The following CXorf66 variants were observed in gnomAD, a reference collection of about 807,000 sequenced individuals.
CXorf66 encodes the protein uncharacterized protein CXorf66.
In CXorf66, 6 loss-of-function variants were observed where a neutral mutation model predicts 5.0. The observed-to-expected ratio is 1.20, with a 90% CI of 0.65 to 2.36. The LOEUF (loss-of-function observed/expected upper bound fraction) is 2.36. Among genes scored for constraint, CXorf66 ranks in the 30% most tolerant of loss-of-function variants. The pLI is 0.00. For synonymous variants in CXorf66, 98 were observed against 102.8 expected (o/e 0.95, Z 0.28); for missense variants, 270 against 254.9 (o/e 1.06, Z -0.40).
chrX:139,956,370 A>T lies in CXorf66; in HGVS notation c.612T>A (p.Asp204Glu), dbSNP rs2085573317. 8.3e-7 allele frequency: 1 copy of T among 1,212,071 alleles called. No individual in the cohort carries two copies. Residue 204 changes from aspartate (D) to glutamate (E), a missense_variant, in exon 3 of 3, where the codon GAT becomes GAA. Coordinates refer to ENST00000370540, the MANE Select transcript of CXorf66 (RefSeq NM_001013403.3). ...ATAGCTGAGGTGGCCTGACTGGCTT[A>T]TCTGAACTGGCTAGCTTACACGCAT... is the stretch of plus-strand genomic sequence containing the variant. ...LDYACKLASSDKPVRPPQLFK... is the reference protein window; with the variant it reads ...LDYACKLASSEKPVRPPQLFK...
At chrX:139,957,048 C>T (rs1379531147) in intron 2 of CXorf66, among the ~76,000 whole-genome samples, 5 of 110,668 alleles carry the variant, frequency 4.5e-5, no homozygotes, top group Non-Finnish European at 9.5e-5. Context: ...CACCTGTAGT[C>T]CCCAGCTACT....
intron 1 of CXorf66, among the ~76,000 whole-genome samples, chrX:139,959,014 G>C (rs2085583981): frequency 8.9e-6 from 1 of 111,998 alleles, no homozygotes; most frequent in Non-Finnish European, 1.9e-5. Context: ...CACAGAGCTA[G>C]CTGTAGCAGT....
rs1343289434 is a variant in CXorf66 at position 139,964,732 on chromosome X, A to G, written c.88+677T>C. On this transcript the variant is annotated intron_variant, in intron 1 of 2. Coordinates refer to ENST00000370540, the MANE Select transcript of CXorf66 (RefSeq NM_001013403.3). ...ATACACCATGGAATACTATGCAGCCATAAAAAAGAATGAGTTCATGTCCTG... is the reference window on the plus strand; with the variant it reads ...ATACACCATGGAATACTATGCAGCCGTAAAAAAGAATGAGTTCATGTCCTG... 2.7e-5 allele frequency among the ~76,000 whole-genome samples: 3 copies of G among 111,931 alleles called. No individual in the cohort carries two copies. The East Asian group carries it at 8.4e-4, about 31-fold the overall frequency.
chrX:139,963,633 G>A (rs1435960229), intron 1 of CXorf66, among the ~76,000 whole-genome samples: 1 of 103,640 alleles, frequency 9.6e-6, no homozygotes, highest in Non-Finnish European at 1.9e-5. Flanking sequence ...GAACAAAGCT[G>A]GAGGCATCAC....
rs746000854 is a variant in CXorf66 at position 139,960,397 on chromosome X, T to C, written c.89-2180A>G. On this transcript the variant is annotated intron_variant, in intron 1 of 2. Coordinates refer to ENST00000370540, the MANE Select transcript of CXorf66 (RefSeq NM_001013403.3). The stretch of plus-strand genomic sequence containing the variant: ...AGAGAAAAAAGAATGAAAAACAAAA[T>C]GAACAAAGCCTCCAAGAAATATGGG... 1.9e-3 allele frequency among the ~76,000 whole-genome samples: 207 copies of C among 109,403 alleles called. 1 individual carries two copies. Among genetic ancestry groups the C allele is most frequent in the Non-Finnish European group, 2.6e-3 (136 of 52,689 alleles).
chrX:139,959,743 G>C (rs2085586720), intron 1 of CXorf66, among the ~76,000 whole-genome samples: 1 of 112,130 alleles, frequency 8.9e-6, no homozygotes, highest in Admixed American at 9.4e-5. Flanking sequence ...AGCAATCTTT[G>C]TTGTTCTGCA....
intron 1 of CXorf66, among the ~76,000 whole-genome samples, chrX:139,964,269 T>C (rs1395495245): frequency 9.0e-6 from 1 of 111,609 alleles, no homozygotes; most frequent in Non-Finnish European, 1.9e-5. Flanking sequence ...AACAGACACT[T>C]CTCAAAAGAA....
intron 1 of CXorf66, among the ~76,000 whole-genome samples, chrX:139,962,212 T>A (rs1044464941): frequency 9.0e-6 from 1 of 110,852 alleles, no homozygotes; most frequent in Non-Finnish European, 1.9e-5. Flanking sequence ...AAGAATCAAA[T>A]AGACACAATA....
At chrX:139,957,168 AAAAC>A (rs1369399631) in intron 2 of CXorf66, among the ~76,000 whole-genome samples, 2 of 111,825 alleles carry the variant, frequency 1.8e-5, no homozygotes, top group Non-Finnish European at 3.8e-5. Flanking sequence ...CTCTGTCTCA[AAAAC>A]AAACAAACAA....
intron 1 of CXorf66, among the ~76,000 whole-genome samples, chrX:139,959,562 G>A (rs1325766462): frequency 1.8e-5 from 2 of 112,407 alleles, no homozygotes; most frequent in Non-Finnish European, 3.8e-5. Context: ...GATTCTTCCA[G>A]CACAGACCTG....
intron 1 of CXorf66, among the ~76,000 whole-genome samples, chrX:139,962,684 GC>G (rs1435847746): frequency 3.6e-5 from 4 of 111,644 alleles, no homozygotes; most frequent in African/African-American, 1.3e-4. Context: ...TAAAATACTG[GC>G]AAACCGAATC....
Position 139,955,886 on chromosome X carries a change from T to C in CXorf66, c.*10A>G. On this transcript the variant is annotated 3_prime_UTR_variant, in exon 3 of 3. Coordinates refer to ENST00000370540, the MANE Select transcript of CXorf66 (RefSeq NM_001013403.3). The stretch of plus-strand genomic sequence containing the variant: ...CTCTTTCACACTTGGATTTTATTTT[T>C]GTTGAGCTCCTAATCATTTAGGGTT... The C allele has an allele frequency of 8.6e-7, 1 of 1,164,158 alleles. No individual in the cohort carries two copies. The highest frequency in any genetic ancestry group is 1.8e-5 in the African/African-American group (1 of 55,843).
chrX:139,960,902 G>A (rs775716734), intron 1 of CXorf66, among the ~76,000 whole-genome samples: 5 of 111,366 alleles, frequency 4.5e-5, no homozygotes, highest in African/African-American at 9.8e-5. Flanking sequence ...TCACCACCAG[G>A]CCTGCCTTAC....
At chrX:139,961,943 G>A (rs2085594857) in intron 1 of CXorf66, among the ~76,000 whole-genome samples, 1 of 111,796 alleles carries the variant, frequency 8.9e-6, no homozygotes, top group Non-Finnish European at 1.9e-5. Flanking sequence ...GAAATTTATA[G>A]CACTAAATGC....
intron 1 of CXorf66, among the ~76,000 whole-genome samples, chrX:139,958,755 G>T (rs1271921427): frequency 9.0e-6 from 1 of 111,262 alleles, no homozygotes; most frequent in African/African-American, 3.3e-5. Flanking sequence ...ATCTCATTGG[G>T]ACTGCAATGG....
At chrX:139,958,483 CT>C (rs2085582040) in intron 1 of CXorf66, among the ~76,000 whole-genome samples, 1 of 110,917 alleles carries the variant, frequency 9.0e-6, no homozygotes, top group Non-Finnish European at 1.9e-5. Flanking sequence ...GTTTTTGAAT[CT>C]GTGTGTGTGT....
Position 139,956,832 on chromosome X carries a change from G to A in CXorf66, c.243-93C>T, listed in dbSNP as rs919457101. The A allele has an allele frequency of 2.0e-4, 173 of 862,001 alleles. 1 individual carries two copies. Among genetic ancestry groups the A allele is most frequent in the Non-Finnish European group, 1.2e-4 (74 of 620,361 alleles). The allele number at this position is 862,001 out of a possible 1,213,427, so 71.0% of individuals were successfully genotyped here. ...ACGTATGGTACTGCTTAGACCTGTG[G>A]TCTTTTGGGGCTTTAATATGAAAAC... On this transcript the variant is annotated intron_variant, in intron 2 of 2. Transcript: ENST00000370540.
At chrX:139,961,307 A>G (rs1375257298) in intron 1 of CXorf66, among the ~76,000 whole-genome samples, 5 of 111,699 alleles carry the variant, frequency 4.5e-5, no homozygotes, top group African/African-American at 1.3e-4. Flanking sequence ...CGGACTTTAA[A>G]CCAACAAAGA....
Position 139,965,439 on chromosome X carries a change from T to C in CXorf66, c.58A>G (p.Thr20Ala). The C allele has an allele frequency of 8.3e-7, 1 of 1,208,375 alleles. No homozygotes were observed. The highest frequency in any genetic ancestry group is 1.1e-6 in the Non-Finnish European group (1 of 893,261). Residue 20 changes from threonine (T) to alanine (A), a missense_variant, in exon 1 of 3, where the codon ACA becomes GCA. Transcript: ENST00000370540. ...GTAGAAGATCCATTGGTTTGGTTTG[T>C]AGTCATGCAATTATTTTTCCAAATG... ...LSIWKNNCMT[T>A]NQTNGSSTTG...
Sources: gnomAD v4.1 joint callset for allele counts (sites outside exome capture counted in the v4.1 genomes callset) on GRCh38, gnomAD v4.1.1 for gene constraint, MANE v1.5 for transcripts, NCBI Gene and HGNC (gene_info 2026-07-23, HGNC 2026-07-21) for gene names.